MINDY4: variants seen among roughly 807,000 people sequenced by gnomAD.
MINDY4 encodes probable ubiquitin carboxyl-terminal hydrolase MINDY-4.
Under a neutral mutation model 87.0 loss-of-function variants are expected in MINDY4, and 68 were observed. The ratio of observed to expected loss-of-function variants is 0.78; its 90% confidence interval spans 0.64 to 0.96. The LOEUF is 0.96. Ranked by LOEUF, MINDY4 falls within the 40% of genes least tolerant of loss-of-function variation. The pLI, the probability that MINDY4 is intolerant of heterozygous loss-of-function variation, is 0.00. For synonymous variants in MINDY4, 379 were observed against 363.2 expected (o/e 1.04, Z -0.50); for missense variants, 919 against 928.2 (o/e 0.99, Z 0.13).
intron 5 of MINDY4, among the ~76,000 whole-genome samples, chr7:30,805,665 G>A (rs896381358): frequency 8.5e-5 from 13 of 152,138 alleles, no homozygotes; most frequent in African/African-American, 3.1e-4. Context: ...CGGTTCCCAG[G>A]TGGCTTTGGA....
At position 30,875,414 on chromosome 7, in the gene MINDY4, T is replaced by C. The variant is rs1584346781; in HGVS notation, c.1810-81T>C. 3 of 1,487,934 alleles carry C rather than the reference T, an allele frequency of 2.0e-6. No homozygotes were observed. In the East Asian group the frequency reaches 6.8e-5, roughly 34 times the overall value. The allele number at this position is 1,487,934 out of a possible 1,614,324, so 92.2% of individuals were successfully genotyped here. On this transcript the variant is annotated intron_variant, in intron 14 of 17. Coordinates refer to ENST00000265299, the MANE Select transcript of MINDY4 (RefSeq NM_032222.3). ...TGCTTTCCTTCCTTCTCCACCCTTTTTGTCTTTCCCCAGTCTCCTCTCCAC... is the reference window on the plus strand; with the variant it reads ...TGCTTTCCTTCCTTCTCCACCCTTTCTGTCTTTCCCCAGTCTCCTCTCCAC...
chr7:30,870,874 G>A (rs1006411261), intron 13 of MINDY4, among the ~76,000 whole-genome samples: 7 of 152,226 alleles, frequency 4.6e-5, no homozygotes, highest in Admixed American at 3.3e-4. Context: ...AAGGAAGGGG[G>A]CCAGGCTCTG....
chr7:30,813,167 A>G (rs573033954), intron 5 of MINDY4, among the ~76,000 whole-genome samples: 1 of 152,220 alleles, frequency 6.6e-6, no homozygotes, highest in East Asian at 1.9e-4. Context: ...ATCCTTAAAA[A>G]CCAGAGAACC....
At chr7:30,783,485 C>G (rs1196364236) in intron 3 of MINDY4, among the ~76,000 whole-genome samples, 1 of 152,166 alleles carries the variant, frequency 6.6e-6, no homozygotes, top group East Asian at 1.9e-4. Context: ...TATTGGAACA[C>G]TAAGCATGAG....
At chr7:30,884,215 G>A (rs892808690) in intron 17 of MINDY4, among the ~76,000 whole-genome samples, 32 of 152,262 alleles carry the variant, frequency 2.1e-4, no homozygotes, top group Admixed American at 1.4e-3. Flanking sequence ...CAGAGAAAGA[G>A]AAATGTTCAC....
At chr7:30,787,030 G>T (rs966002283) in intron 4 of MINDY4, among the ~76,000 whole-genome samples, 3 of 152,252 alleles carry the variant, frequency 2.0e-5, no homozygotes, top group African/African-American at 4.8e-5. Flanking sequence ...GGGTGCAGGT[G>T]CTGGCACTGT....
Position 30,836,782 on chromosome 7 carries a change from C to T in MINDY4, c.1239+18C>T. 6.3e-7 allele frequency: 1 copy of T among 1,590,178 alleles called. No homozygotes were observed. Among genetic ancestry groups the T allele is most frequent in the Non-Finnish European group, 8.6e-7 (1 of 1,158,590 alleles). ...TAGCAAAGGTAAGTGTAAGGAGACT[C>T]CTGGGTTAAATGTGTCTTGATTTGA... On this transcript the variant is annotated intron_variant, in intron 7 of 17. Transcript: ENST00000265299.
At chr7:30,831,800 A>G (rs1432834066) in intron 6 of MINDY4, among the ~76,000 whole-genome samples, 1 of 152,190 alleles carries the variant, frequency 6.6e-6, no homozygotes, top group Admixed American at 6.5e-5. Context: ...TTGACTCCCT[A>G]TGGAAATAAA....
intron 5 of MINDY4, among the ~76,000 whole-genome samples, chr7:30,820,947 C>T (rs1463353926): frequency 6.6e-6 from 1 of 152,168 alleles, no homozygotes; most frequent in Non-Finnish European, 1.5e-5. Flanking sequence ...TGTGAATTAA[C>T]TGAAATGTAT....
intron 5 of MINDY4, among the ~76,000 whole-genome samples, chr7:30,792,162 C>T (rs540505143): frequency 6.6e-6 from 1 of 152,296 alleles, no homozygotes; most frequent in South Asian, 2.1e-4. Flanking sequence ...TACTTTTATT[C>T]TTTACAATAA....
chr7:30,875,910 G>A (rs893975832), intron 15 of MINDY4, among the ~76,000 whole-genome samples: 1 of 152,226 alleles, frequency 6.6e-6, no homozygotes, highest in Admixed American at 6.5e-5. Flanking sequence ...GATTTCTGCC[G>A]TGATTGTGGG....
chr7:30,851,376 A>T (rs1197653891), intron 10 of MINDY4, among the ~76,000 whole-genome samples: 2 of 152,222 alleles, frequency 1.3e-5, no homozygotes, highest in African/African-American at 4.8e-5. Flanking sequence ...TATAACAATT[A>T]CTTACTTGGA....
At chr7:30,886,516 A>T (rs1022105321) in intron 17 of MINDY4, among the ~76,000 whole-genome samples, 1 of 152,172 alleles carries the variant, frequency 6.6e-6, no homozygotes, top group Non-Finnish European at 1.5e-5. Context: ...CTTCTTTTAC[A>T]GACAGGGAGA....
Position 30,882,381 on chromosome 7 carries a change from C to CA in MINDY4, c.2152+21dup. 3.4e-6 allele frequency: 5 copies of CA among 1,479,646 alleles called. No homozygotes were observed. The highest frequency in any genetic ancestry group is 1.4e-5 in the African/African-American group (1 of 70,254). 91.7% of individuals were successfully genotyped at this position (1,479,646 alleles called of 1,614,324 possible). On this transcript the variant is annotated intron_variant, in intron 16 of 17. Coordinates refer to ENST00000265299, the MANE Select transcript of MINDY4 (RefSeq NM_032222.3). ...CCATTGGTGCGGGCCCTCACCCCCC[C>CA]ACCCACCCAACCCTGTCCCCAAGGA...
intron 3 of MINDY4, among the ~76,000 whole-genome samples, chr7:30,784,274 A>G (rs140952635): frequency 4.6e-5 from 7 of 152,300 alleles, no homozygotes; most frequent in African/African-American, 1.7e-4. Flanking sequence ...ACCCAAGCCA[A>G]AAATTTGGGT....
intron 9 of MINDY4, among the ~76,000 whole-genome samples, chr7:30,843,077 C>T (rs1455243375): frequency 1.3e-5 from 2 of 152,204 alleles, no homozygotes; most frequent in East Asian, 1.9e-4. Flanking sequence ...ACACAAGCCC[C>T]GTGAGAACAG....
chr7:30,863,574 G>T (rs1045176768), intron 13 of MINDY4, among the ~76,000 whole-genome samples: 1 of 152,132 alleles, frequency 6.6e-6, no homozygotes, highest in African/African-American at 2.4e-5. Context: ...CTCTTCTTTG[G>T]CCCTTGCACC....
intron 12 of MINDY4, among the ~76,000 whole-genome samples, chr7:30,855,600 G>A (rs1789546203): frequency 6.6e-6 from 1 of 152,228 alleles, no homozygotes; most frequent in African/African-American, 2.4e-5. Context: ...GCTGCCCACT[G>A]ATGGACTGGG....
At chr7:30,790,633 T>C (rs1243083092) in intron 4 of MINDY4, among the ~76,000 whole-genome samples, 6 of 152,038 alleles carry the variant, frequency 3.9e-5, no homozygotes, top group Non-Finnish European at 1.5e-5. Flanking sequence ...TTAGTAGATA[T>C]GGGGTTTCAC....
Sources: gnomAD v4.1 joint callset for allele counts (sites outside exome capture counted in the v4.1 genomes callset) on GRCh38, gnomAD v4.1.1 for gene constraint, MANE v1.5 for transcripts, NCBI Gene and HGNC (gene_info 2026-07-23, HGNC 2026-07-21) for gene names.